CPVL: variants seen among roughly 807,000 people sequenced by gnomAD.
CPVL encodes carboxypeptidase vitellogenic like, also known as probable serine carboxypeptidase CPVL.
A neutral mutation model predicts 63.7 loss-of-function variants in CPVL; 51 were observed. The ratio of observed to expected loss-of-function variants is 0.80; its 90% CI spans 0.64 to 1.01. The LOEUF (loss-of-function observed/expected upper bound fraction) is 1.01, where lower values mean the gene tolerates loss of function less well. Ranked by LOEUF, CPVL falls within the 50% of genes least tolerant of loss-of-function variation. The pLI is 0.00. For synonymous variants in CPVL, 195 were observed against 206.0 expected (o/e 0.95, Z 0.46); for missense variants, 530 against 573.1 (o/e 0.92, Z 0.77).
chr7:29,104,344 T>C (rs931922286), intron 3 of CPVL, among the ~76,000 whole-genome samples: 8 of 152,204 alleles, frequency 5.3e-5, no homozygotes, highest in Admixed American at 3.9e-4. Context: ...CACTGCAACC[T>C]CCACCTTCCC....
chr7:29,038,876 G>A (rs1395308783), intron 11 of CPVL, among the ~76,000 whole-genome samples: 2 of 152,180 alleles, frequency 1.3e-5, no homozygotes, highest in Admixed American at 1.3e-4. Context: ...GGAGAAGAGG[G>A]CATGCTCACT....
intron 12 of CPVL, among the ~76,000 whole-genome samples, chr7:28,997,659 A>G (rs562697775): frequency 2.0e-5 from 3 of 151,448 alleles, no homozygotes; most frequent in Admixed American, 1.3e-4. Context: ...AACTAGCTAG[A>G]ACCCTGACTT....
intron 5 of CPVL, among the ~76,000 whole-genome samples, chr7:29,177,697 T>G (rs184375896): frequency 2.6e-5 from 4 of 152,198 alleles, no homozygotes; most frequent in African/African-American, 9.6e-5. Context: ...CATCCATCTG[T>G]GCAGTCATCC....
intron 4 of CPVL, among the ~76,000 whole-genome samples, chr7:29,183,256 G>C (rs952751489): frequency 6.6e-6 from 1 of 151,774 alleles, no homozygotes; most frequent in African/African-American, 2.4e-5. Flanking sequence ...GGCTAATTTT[G>C]TATTTTCAGT....
At chr7:29,123,844 C>T (rs540659275) in intron 1 of CPVL, among the ~76,000 whole-genome samples, 1 of 151,008 alleles carries the variant, frequency 6.6e-6, no homozygotes, top group African/African-American at 2.4e-5. Flanking sequence ...TACAGCACTT[C>T]CCTTGTAAGC....
At chr7:29,138,610 C>T (rs1791511017) in intron 1 of CPVL, among the ~76,000 whole-genome samples, 1 of 152,070 alleles carries the variant, frequency 6.6e-6, no homozygotes, top group Non-Finnish European at 1.5e-5. Context: ...ACCCAGATCC[C>T]TGGGAGTGAA....
chr7:29,006,465 G>A (rs892944584), intron 12 of CPVL, among the ~76,000 whole-genome samples: 4 of 152,178 alleles, frequency 2.6e-5, no homozygotes, highest in African/African-American at 9.6e-5. Context: ...AGAAAGGCCT[G>A]TCACTTGTTT....
intron 12 of CPVL, among the ~76,000 whole-genome samples, chr7:29,000,565 C>T (rs75543181): frequency 0.017 from 2,552 of 152,152 alleles, 36 homozygotes; most frequent in Middle Eastern, 0.078. Flanking sequence ...GTCTGTATGT[C>T]GTCCCATTCA....
upstream of CPVL, chr7:29,146,673 T>A (rs762806698): frequency 3.9e-6 from 6 of 1,550,644 alleles, 1 homozygote; most frequent in South Asian, 7.1e-5. Flanking sequence ...GCGCTTCCCA[T>A]GCTGGAAGAA....
chr7:29,128,597 T>A (rs980348392), intron 1 of CPVL, among the ~76,000 whole-genome samples: 1 of 151,072 alleles, frequency 6.6e-6, no homozygotes, highest in African/African-American at 2.4e-5. Flanking sequence ...ACGCCTGTAA[T>A]CCCAGCTACT....
At chr7:29,148,318 AG>A (rs753195511), upstream of CPVL, among the ~76,000 whole-genome samples, 3 of 152,338 alleles carry the variant, frequency 2.0e-5, no homozygotes, top group East Asian at 3.9e-4. Flanking sequence ...CAGTAAACAC[AG>A]GAGGAGCCAT....
At position 29,028,722 on chromosome 7, in the gene CPVL, G is replaced by C. The variant is rs183691227; in HGVS notation, c.1320+1855C>G. 3.5e-3 allele frequency among the ~76,000 whole-genome samples: 519 copies of C among 147,946 alleles called. 3 individuals carry two copies. The highest frequency in any genetic ancestry group is 5.4e-3 in the Non-Finnish European group (356 of 66,000). On this transcript the variant is annotated intron_variant, in intron 12 of 12. Coordinates refer to ENST00000265394, the MANE Select transcript of CPVL (RefSeq NM_031311.5). ...GCTCAAGCCTGTAATCCCAGCACCTGGGGAGGCCAAGGTGGGGCAGATCAC... is the reference window on the plus strand; with the variant it reads ...GCTCAAGCCTGTAATCCCAGCACCTCGGGAGGCCAAGGTGGGGCAGATCAC...
intron 2 of CPVL, 81 bp downstream of exon 2, chr7:29,120,809 ACTT>A (rs2128640775): frequency 7.4e-7 from 1 of 1,353,000 alleles, no homozygotes; most frequent in Admixed American, 2.2e-5. Context: ...GACAGGCGAG[ACTT>A]CGTCTCAAAA....
At chr7:29,080,526 C>G (rs1784600979) in intron 7 of CPVL, among the ~76,000 whole-genome samples, 1 of 146,556 alleles carries the variant, frequency 6.8e-6, no homozygotes, top group African/African-American at 2.5e-5. Context: ...ATGCTGCACT[C>G]CAGCTTAGGC....
intron 11 of CPVL, among the ~76,000 whole-genome samples, chr7:29,044,988 T>A (rs1434152538): frequency 6.6e-6 from 1 of 152,182 alleles, no homozygotes; most frequent in Admixed American, 6.5e-5. Context: ...CATGAGACAC[T>A]TTCAAACAAC....
At chr7:29,195,089 C>A in exon 1 of CPVL, 6 of 1,317,758 alleles carry the variant, frequency 4.6e-6, no homozygotes, top group East Asian at 2.8e-5. Context: ...GTGGCCATCC[C>A]GCCCGCTCTC....
At chr7:29,119,221 T>C (rs914590278) in intron 2 of CPVL, among the ~76,000 whole-genome samples, 1 of 152,200 alleles carries the variant, frequency 6.6e-6, no homozygotes, top group Non-Finnish European at 1.5e-5. Context: ...GGGCAGTGGC[T>C]CACGCCTATA....
At chr7:29,124,778 T>C (rs780298688) in intron 1 of CPVL, among the ~76,000 whole-genome samples, 100 of 152,104 alleles carry the variant, frequency 6.6e-4, no homozygotes, top group Admixed American at 2.2e-3. Context: ...TTTTTCCTTA[T>C]TTAATACTTC....
At chr7:29,175,454 G>T (rs1353715701) in intron 5 of CPVL, among the ~76,000 whole-genome samples, 2 of 152,104 alleles carry the variant, frequency 1.3e-5, no homozygotes, top group Non-Finnish European at 2.9e-5. Flanking sequence ...GGGATTACAG[G>T]TATGAGCCAC....
Sources: allele counts gnomAD v4.1 joint callset (sites outside exome capture counted in the v4.1 genomes callset), GRCh38; gene constraint gnomAD v4.1.1; transcripts MANE v1.5; gene names NCBI Gene and HGNC (gene_info 2026-07-23, HGNC 2026-07-21).